Variants in ZGPAT observed in about 807,000 individuals in gnomAD.
ZGPAT encodes zinc finger CCCH-type and G-patch domain containing, also known as zinc finger CCCH-type with G patch domain-containing protein.
Under a neutral mutation model 47.9 loss-of-function variants are expected in ZGPAT, and 39 were observed. The ratio of observed to expected loss-of-function variants is 0.81; its 90% CI spans 0.63 to 1.06. The LOEUF is 1.06. Ranked by LOEUF, ZGPAT falls within the 50% of genes least tolerant of loss-of-function variation. The probability of loss-of-function intolerance (pLI) is 0.00; values close to 1 mark genes in which losing one functional copy is unlikely to be tolerated. For synonymous variants in ZGPAT, 348 were observed against 292.9 expected (o/e 1.19, Z -1.92); for missense variants, 717 against 681.4 (o/e 1.05, Z -0.58).
At chr20:63,735,631 G>T in intron 6 of ZGPAT, 67 bp downstream of exon 6, 1 of 1,496,076 alleles carries the variant, frequency 6.7e-7, no homozygotes, top group Non-Finnish European at 8.9e-7. Flanking sequence ...GATACATGCT[G>T]GAGGTCACCT....
chr20:63,717,332 CTTTTTTTTTTTTTTTTT>C (rs1173734420), intron 2 of ZGPAT, among the ~76,000 whole-genome samples: 9 of 60,954 alleles, frequency 1.5e-4, no homozygotes, highest in Non-Finnish European at 2.5e-4. Context: ...TTTTTCTTTT[CTTTTTTTTTTTTTTTTT>C]TTTTTTTTGG....
Position 63,725,223 on chromosome 20 carries a change from A to G in ZGPAT, c.585-7996A>G, listed in dbSNP as rs543737932. Among the ~76,000 whole-genome samples, 272 of 152,226 alleles carry G rather than the reference A, an allele frequency of 1.8e-3. 1 individual carries two copies. The highest frequency in any genetic ancestry group is 6.3e-3 in the African/African-American group (262 of 41,542). ...ATGGTCTTGATCTCCTGACCTCGTGATCCGCCCGCCTTGGCCTCCCAAAGT... is the reference window on the plus strand; with the variant it reads ...ATGGTCTTGATCTCCTGACCTCGTGGTCCGCCCGCCTTGGCCTCCCAAAGT... On this transcript the variant is annotated intron_variant, in intron 2 of 6. Transcript: ENST00000355969.
intron 2 of ZGPAT, among the ~76,000 whole-genome samples, chr20:63,732,004 G>A (rs1313258737): frequency 6.6e-6 from 1 of 152,206 alleles, no homozygotes; most frequent in Non-Finnish European, 1.5e-5. Flanking sequence ...TTTGCACAGG[G>A]GGTTTCCCAT....
intron 2 of ZGPAT, among the ~76,000 whole-genome samples, chr20:63,725,191 A>G (rs947666849): frequency 4.0e-5 from 6 of 151,660 alleles, no homozygotes; most frequent in Non-Finnish European, 7.4e-5. Context: ...TCACCGTGTT[A>G]GCCAGGATGG....
rs754262423 is a variant in ZGPAT at position 63,733,565 on chromosome 20, T to C, written c.719-22T>C. ...GCACCTGCTGTCAAGGATTCTGACC[T>C]GCAGCTTGTCTCTGCCCCCAGATGT... is the stretch of plus-strand genomic sequence containing the variant. On this transcript the variant is annotated intron_variant, in intron 3 of 6. Transcript: ENST00000355969. The C allele has an allele frequency of 1.5e-5, 24 of 1,613,998 alleles. No individual in the cohort carries two copies. In the South Asian group the frequency reaches 2.5e-4, roughly 17 times the overall value.
chr20:63,716,328 C>G (rs1179580093), intron 2 of ZGPAT, among the ~76,000 whole-genome samples: 1 of 152,156 alleles, frequency 6.6e-6, no homozygotes, highest in Admixed American at 6.5e-5. Context: ...CCGCGTCCAG[C>G]CTTGAGTCAG....
intron 2 of ZGPAT, among the ~76,000 whole-genome samples, chr20:63,727,395 C>G (rs545807718): frequency 4.6e-5 from 7 of 152,010 alleles, no homozygotes; most frequent in Non-Finnish European, 8.8e-5. Flanking sequence ...GCTCATGACA[C>G]CACGCCTGGC....
chr20:63,730,962 CTCTCTCTCTGTGTG>C (rs1236181989), intron 2 of ZGPAT, among the ~76,000 whole-genome samples: 940 of 83,146 alleles, frequency 0.011, 9 homozygotes, highest in African/African-American at 0.054. Context: ...CTCTCTCTCT[CTCTCTCTCTGTGTG>C]TGTGTGTGTG....
chr20:63,734,122 A>G lies in ZGPAT; in HGVS notation c.871+383A>G, dbSNP rs921459703. 3.8e-5 allele frequency: 11 copies of G among 290,004 alleles called. No homozygotes were observed. In the Middle Eastern group the frequency reaches 5.6e-3, roughly 147 times the overall value. 18.0% of individuals were successfully genotyped at this position (290,004 alleles called of 1,614,324 possible). On this transcript the variant is annotated intron_variant, in intron 4 of 6. Coordinates refer to ENST00000355969, the MANE Select transcript of ZGPAT (RefSeq NM_181485.3). ...GGGTGCCTGGGATCCTGGCAGACAG[A>G]GGTTGTGTCCAGACAGCCAGCATGG... is the stretch of plus-strand genomic sequence containing the variant.
At chr20:63,734,090 G>C (rs2091950528) in intron 4 of ZGPAT, 1 of 312,988 alleles carries the variant, frequency 3.2e-6, no homozygotes, top group Non-Finnish European at 6.0e-6. Flanking sequence ...TCTCAGACTT[G>C]GGACCTGGGT....
intron 2 of ZGPAT, among the ~76,000 whole-genome samples, chr20:63,713,396 A>G (rs2145642983): frequency 1.3e-5 from 2 of 151,898 alleles, no homozygotes; most frequent in African/African-American, 4.8e-5. Context: ...ACGCCCAGCT[A>G]ATTTTTTGTA....
intron 2 of ZGPAT, among the ~76,000 whole-genome samples, chr20:63,731,882 A>T (rs1350816500): frequency 6.6e-6 from 1 of 152,248 alleles, no homozygotes; most frequent in Non-Finnish European, 1.5e-5. Context: ...ACATCGTATT[A>T]GGTACTGCAA....
chr20:63,726,586 A>G (rs544769513), intron 2 of ZGPAT, among the ~76,000 whole-genome samples: 25 of 149,866 alleles, frequency 1.7e-4, no homozygotes, highest in African/African-American at 6.2e-4. Context: ...GCAATGGTGC[A>G]ATCTCGGCTC....
At chr20:63,722,350 T>C (rs1198624531) in intron 2 of ZGPAT, among the ~76,000 whole-genome samples, 2 of 152,182 alleles carry the variant, frequency 1.3e-5, no homozygotes, top group African/African-American at 2.4e-5. Context: ...GAAAAGTTTA[T>C]TGGGAGGTTT....
intron 2 of ZGPAT, 134 bp from the exon 3 acceptor site, chr20:63,733,085 A>T (rs957857555): frequency 7.1e-6 from 8 of 1,128,968 alleles, no homozygotes; most frequent in African/African-American, 4.7e-5. Context: ...AGTGTGTGAG[A>T]GTGTGTATGT....
chr20:63,714,244 G>A (rs901564349), intron 2 of ZGPAT, among the ~76,000 whole-genome samples: 4 of 151,876 alleles, frequency 2.6e-5, no homozygotes, highest in Non-Finnish European at 4.4e-5. Flanking sequence ...TGGCCAACAC[G>A]GCGAAACCCC....
At chr20:63,712,096 A>T (rs1367812509) in intron 2 of ZGPAT, among the ~76,000 whole-genome samples, 3 of 152,190 alleles carry the variant, frequency 2.0e-5, no homozygotes, top group Admixed American at 1.3e-4. Context: ...AGTTATGAGG[A>T]TTTTCACCTA....
At chr20:63,711,270 G>T (rs1268111226) in intron 2 of ZGPAT, among the ~76,000 whole-genome samples, 1 of 152,140 alleles carries the variant, frequency 6.6e-6, no homozygotes, top group East Asian at 1.9e-4. Flanking sequence ...TTTGATGAGA[G>T]ATCTGACACA....
At chr20:63,712,094 G>A (rs1015005386) in intron 2 of ZGPAT, among the ~76,000 whole-genome samples, 2 of 152,112 alleles carry the variant, frequency 1.3e-5, no homozygotes, top group African/African-American at 2.4e-5. Context: ...ATAGTTATGA[G>A]GATTTTCACC....
Sources: allele counts gnomAD v4.1 joint callset (sites outside exome capture counted in the v4.1 genomes callset), GRCh38; gene constraint gnomAD v4.1.1; transcripts MANE v1.5; gene names NCBI Gene and HGNC (gene_info 2026-07-23, HGNC 2026-07-21).